The following GRM8 variants were observed in gnomAD, a reference collection of about 807,000 sequenced individuals.
GRM8 encodes glutamate metabotropic receptor 8.
Under a neutral mutation model 87.2 loss-of-function variants are expected in GRM8, and 47 were observed. The ratio of observed to expected loss-of-function variants is 0.54; its 90% CI spans 0.43 to 0.69. GRM8 has a LOEUF of 0.69. Among genes scored for constraint, GRM8 ranks in the 30% least tolerant of loss-of-function variants. GRM8 has a pLI of 0.00. For missense variants in GRM8, 1,019 were observed against 1,139.2 expected (o/e 0.89, Z 1.52); for synonymous variants, 396 against 404.5 (o/e 0.98, Z 0.25).
chr7:126,867,071 C>A (rs1798666459), intron 6 of GRM8, among the ~76,000 whole-genome samples: 1 of 152,190 alleles, frequency 6.6e-6, no homozygotes, highest in Non-Finnish European at 1.5e-5. Context: ...ATACTTCGAT[C>A]TCTTTAAAAA....
At chr7:126,457,350 A>G (rs1407289147) in intron 9 of GRM8, among the ~76,000 whole-genome samples, 2 of 151,510 alleles carry the variant, frequency 1.3e-5, no homozygotes, top group African/African-American at 4.8e-5. Context: ...ATAATAGATA[A>G]AAAGAAACAC....
At chr7:126,930,510 A>T (rs1273989210) in intron 3 of GRM8, among the ~76,000 whole-genome samples, 1 of 152,216 alleles carries the variant, frequency 6.6e-6, no homozygotes, top group African/African-American at 2.4e-5. Context: ...GGAATGTCAG[A>T]TGAGGTCTCA....
Position 126,609,331 on chromosome 7 carries a change from T to C in GRM8, c.1494+31A>G, listed in dbSNP as rs776925264. On this transcript the variant is annotated intron_variant, in intron 8 of 10. Transcript: ENST00000339582. ...AAAGCATCCCTCCTGGAGAGCTATA[T>C]ACATTAATATATGTTTATGACGATA... The C allele has an allele frequency of 2.5e-6, 4 of 1,576,048 alleles. No individual in the cohort carries two copies. In the South Asian group the frequency reaches 4.5e-5, roughly 18 times the overall value.
chr7:127,243,650 AT>A, intron 1 of GRM8, 135 bp from the exon 2 acceptor site: 2 of 160,266 alleles, frequency 1.2e-5, no homozygotes, highest in Non-Finnish European at 2.7e-5. Flanking sequence ...TCCCCCTGTG[AT>A]TCTGAACACC....
chr7:126,793,397 A>T (rs1254748935), intron 6 of GRM8, among the ~76,000 whole-genome samples: 2 of 152,206 alleles, frequency 1.3e-5, no homozygotes, highest in Non-Finnish European at 2.9e-5. Context: ...TTATCAGCAC[A>T]GGCCACTTAA....
Position 127,015,233 on chromosome 7 carries a change from AAGAAGAAG to A in GRM8, c.727+91255_727+91262del, listed in dbSNP as rs1815503817. 3.6e-5 allele frequency among the ~76,000 whole-genome samples: 5 copies of A among 138,414 alleles called. No homozygotes were observed. The Admixed American group carries it at 3.7e-4, about 10-fold the overall frequency. 90.8% of individuals were successfully genotyped at this position (138,414 alleles called of 152,430 possible). A position where few individuals can be genotyped will look rare whatever the true frequency, so the allele number is the denominator to read the frequency against. On this transcript the variant is annotated intron_variant, in intron 3 of 10. Transcript: ENST00000339582. ...GAAGAAGAAGAAGAAGAAGAAGAAG[AAGAAGAAG>A]AAGAAGAAGAAGAAGAAGAAAAGAG... is the stretch of plus-strand genomic sequence containing the variant.
chr7:126,493,882 C>T (rs891801702), intron 9 of GRM8, among the ~76,000 whole-genome samples: 1 of 151,960 alleles, frequency 6.6e-6, no homozygotes, highest in South Asian at 2.1e-4. Context: ...ACTAGGAATG[C>T]GTAACTCAGC....
intron 2 of GRM8, among the ~76,000 whole-genome samples, chr7:127,227,885 T>A (rs1256261019): frequency 6.6e-6 from 1 of 152,232 alleles, no homozygotes. Context: ...CTGAGGCCAC[T>A]GCCCACCATG....
intron 3 of GRM8, among the ~76,000 whole-genome samples, chr7:127,079,266 G>A (rs1822605107): frequency 6.6e-6 from 1 of 152,000 alleles, no homozygotes; most frequent in Admixed American, 6.6e-5. Flanking sequence ...GGGATTACAG[G>A]CACCCATCAC....
chr7:126,789,842 T>A (rs1821083538), intron 6 of GRM8, among the ~76,000 whole-genome samples: 1 of 152,238 alleles, frequency 6.6e-6, no homozygotes, highest in South Asian at 2.1e-4. Flanking sequence ...TTATGTCGTA[T>A]ATTCTCAGGT....
At chr7:127,095,475 T>C (rs1374631486) in intron 3 of GRM8, among the ~76,000 whole-genome samples, 1 of 152,158 alleles carries the variant, frequency 6.6e-6, no homozygotes, top group Non-Finnish European at 1.5e-5. Context: ...ACAGTAATCA[T>C]CAATAGAGGA....
intron 7 of GRM8, among the ~76,000 whole-genome samples, chr7:126,658,908 A>C (rs528119657): frequency 6.6e-6 from 1 of 152,128 alleles, no homozygotes; most frequent in East Asian, 1.9e-4. Context: ...ATCAAGGAGG[A>C]TGCCGTAAAG....
chr7:126,761,661 C>T (rs1362000), intron 7 of GRM8, among the ~76,000 whole-genome samples: 64,942 of 151,936 alleles, frequency 0.43, 14,292 homozygotes, highest in Non-Finnish European at 0.46. Context: ...AAGCCAAACT[C>T]GGCACAGGTT....
intron 2 of GRM8, among the ~76,000 whole-genome samples, chr7:127,163,429 A>G (rs891638685): frequency 6.6e-6 from 1 of 152,194 alleles, no homozygotes; most frequent in Non-Finnish European, 1.5e-5. Flanking sequence ...ACTCTCCTAC[A>G]AATACAACCT....
At chr7:126,854,648 C>T (rs1331222122) in intron 6 of GRM8, among the ~76,000 whole-genome samples, 1 of 152,198 alleles carries the variant, frequency 6.6e-6, no homozygotes, top group African/African-American at 2.4e-5. Flanking sequence ...AAGATTACTT[C>T]ATTCTTAGCT....
intron 6 of GRM8, among the ~76,000 whole-genome samples, chr7:126,789,707 T>G (rs1231913882): frequency 6.6e-6 from 1 of 152,236 alleles, no homozygotes; most frequent in East Asian, 1.9e-4. Flanking sequence ...GGATATTATC[T>G]GATAATGGTG....
chr7:126,551,933 A>C (rs577137445), intron 8 of GRM8, among the ~76,000 whole-genome samples: 3 of 152,234 alleles, frequency 2.0e-5, no homozygotes, highest in African/African-American at 7.2e-5. Flanking sequence ...ACCTGACTTT[A>C]TGCCCTCAAA....
chr7:127,008,761 T>C (rs1814576249), intron 3 of GRM8, among the ~76,000 whole-genome samples: 1 of 152,116 alleles, frequency 6.6e-6, no homozygotes, highest in Admixed American at 6.6e-5. Flanking sequence ...AAAGCATCAA[T>C]CATTGGTCAT....
intron 10 of GRM8, among the ~76,000 whole-genome samples, chr7:126,440,123 A>G (rs2150440098): frequency 1.3e-5 from 2 of 152,034 alleles, no homozygotes; most frequent in African/African-American, 4.8e-5. Flanking sequence ...TTTTTATAAT[A>G]TCTACAGTGG....
Sources: allele counts gnomAD v4.1 joint callset (sites outside exome capture counted in the v4.1 genomes callset), GRCh38; gene constraint gnomAD v4.1.1; transcripts MANE v1.5; gene names NCBI Gene and HGNC (gene_info 2026-07-23, HGNC 2026-07-21).